C6: variants seen among roughly 807,000 people sequenced by gnomAD.
C6 encodes the protein complement component C6.
Under a neutral mutation model 112.9 loss-of-function variants are expected in C6, and 101 were observed. That is an observed-to-expected ratio of 0.89 (90% CI 0.76 to 1.06). The LOEUF (loss-of-function observed/expected upper bound fraction) is 1.06. C6 is among the 50% of genes least tolerant of loss of function. The probability of loss-of-function intolerance (pLI) is 0.00; values close to 1 mark genes in which losing one functional copy is unlikely to be tolerated. For missense variants in C6, 1,202 were observed against 1,104.6 expected (o/e 1.09, Z -1.25); for synonymous variants, 431 against 384.1 (o/e 1.12, Z -1.43).
chr5:41,214,486 C>T (rs1580211394), upstream of C6, among the ~76,000 whole-genome samples: 1 of 152,052 alleles, frequency 6.6e-6, no homozygotes, highest in Non-Finnish European at 1.5e-5. Flanking sequence ...TACAGATGAT[C>T]TGATTTCCAG....
In C6 at chr5:41,160,323, C is replaced by T; in HGVS notation, c.1503G>A (p.Val501=). ...CTTTCCTGAGGTTGTTCCGTTTTGT[C>T]ACTGCACAGGGGATGTTTCTTACCA... ...VDLVRNIPCA[V]TKRNNLRKAL... is the part of the protein sequence containing the mutation. The change falls in exon 11 of 18, where the codon GTG becomes GTA. Residue 501 remains valine, a synonymous_variant. Transcript: ENST00000337836. 1 of 1,613,784 alleles carries T rather than the reference C, an allele frequency of 6.2e-7. No homozygotes were observed.
chr5:41,154,071 A>C, intron 14 of C6, 73 bp from the exon 15 acceptor site: 1 of 1,310,198 alleles, frequency 7.6e-7, no homozygotes. Context: ...ATTTTGTGCA[A>C]CCAAAGAGGT....
At position 41,255,296 on chromosome 5, in the gene C6, G is replaced by A. The variant is rs143260607; in HGVS notation, c.-21+5898C>T. Among the ~76,000 whole-genome samples the A allele has an allele frequency of 7.0e-3, 1,069 of 151,822 alleles. 7 individuals carry two copies. Among genetic ancestry groups the A allele is most frequent in the Middle Eastern group, 0.014 (4 of 294 alleles). On this transcript the variant is annotated intron_variant, in intron 1 of 17. Transcript: ENST00000263413. The stretch of plus-strand genomic sequence containing the variant: ...GAATTGCTTAAACCTGGGAGGCGGC[G>A]GCCGCAGTGAGCCGAGATCGCCCCA...
At chr5:41,247,402 G>T (rs1741086521) in intron 1 of C6, among the ~76,000 whole-genome samples, 1 of 151,738 alleles carries the variant, frequency 6.6e-6, no homozygotes, top group Non-Finnish European at 1.5e-5. Flanking sequence ...TCAAGCTGAG[G>T]ACCAAATCAA....
At chr5:41,240,732 G>A (rs112985088) in intron 1 of C6, among the ~76,000 whole-genome samples, 1,531 of 152,230 alleles carry the variant, frequency 0.01, 33 homozygotes, top group African/African-American at 0.035. Context: ...GCTTGTGGTT[G>A]GGGCCTCTGG....
At position 41,181,562 on chromosome 5, in the gene C6, G is replaced by A. The variant is rs1260782342; in HGVS notation, c.727-3C>T. 8 of 1,609,932 alleles carry A rather than the reference G, an allele frequency of 5.0e-6. No individual in the cohort carries two copies. Among genetic ancestry groups the A allele is most frequent in the Non-Finnish European group, 6.8e-6 (8 of 1,176,876 alleles). ...AAGTCATCTTCTGCAGTTTGTACCT[G>A]GAGAAAAATCCATGTAAAATAAAAT... On this transcript the variant is annotated splice_polypyrimidine_tract_variant and splice_region_variant and intron_variant, in intron 6 of 17. Transcript: ENST00000337836.
chr5:41,169,846 G>T (rs1344395736), intron 9 of C6, among the ~76,000 whole-genome samples: 1 of 152,170 alleles, frequency 6.6e-6, no homozygotes, highest in African/African-American at 2.4e-5. Context: ...TTCTAAATGA[G>T]ATATGGGAAG....
rs760966966 is a variant in C6 at position 41,153,990 on chromosome 5, A to C, written c.2110T>G (p.Cys704Gly). 3 of 1,613,500 alleles carry C rather than the reference A, an allele frequency of 1.9e-6. No individual in the cohort carries two copies. In the South Asian group the frequency reaches 3.3e-5, roughly 18 times the overall value. Residue 704 changes from cysteine to glycine, a missense_variant, in exon 15 of 18, where the codon TGC becomes GGC. Cys to Gly is a radical substitution (Grantham distance 159). Transcript: ENST00000337836. Reference protein sequence around the residue: ...QGDVECQRTECIKPVVQEVLT... With the variant: ...QGDVECQRTEGIKPVVQEVLT... ...ACTTCCTGCACAACTGGCTTGATGC[A>C]CTCCGTCCCTGCAAGAGAGCAACAT...
intron 7 of C6, among the ~76,000 whole-genome samples, chr5:41,179,030 T>C (rs1035848059): frequency 1.3e-5 from 2 of 152,054 alleles, no homozygotes; most frequent in Non-Finnish European, 2.9e-5. Flanking sequence ...ATTTTTTGTA[T>C]TTTAGTAGAG....
intron 9 of C6, among the ~76,000 whole-genome samples, chr5:41,165,422 T>C (rs1259972153): frequency 6.6e-6 from 1 of 152,204 alleles, no homozygotes; most frequent in South Asian, 2.1e-4. Context: ...GGTTGTGAAG[T>C]TCTACTGCCA....
chr5:41,260,362 C>A (rs1285195394), intron 1 of C6, among the ~76,000 whole-genome samples: 1 of 151,980 alleles, frequency 6.6e-6, no homozygotes, highest in Non-Finnish European at 1.5e-5. Flanking sequence ...GACTTTCAAA[C>A]ACGTTATATC....
At chr5:41,226,856 G>T (rs1470753192) in intron 1 of C6, among the ~76,000 whole-genome samples, 1 of 152,054 alleles carries the variant, frequency 6.6e-6, no homozygotes, top group African/African-American at 2.4e-5. Flanking sequence ...CCATTCATCT[G>T]TCGATGGACA....
At chr5:41,235,150 T>C (rs1740188781) in intron 1 of C6, among the ~76,000 whole-genome samples, 1 of 147,404 alleles carries the variant, frequency 6.8e-6, no homozygotes, top group Non-Finnish European at 1.5e-5. Context: ...TATGCATACA[T>C]GTGCCATGCT....
chr5:41,195,249 A>G (rs1162408731), intron 5 of C6, among the ~76,000 whole-genome samples: 1 of 151,466 alleles, frequency 6.6e-6, no homozygotes, highest in Non-Finnish European at 1.5e-5. Flanking sequence ...TTTTTTCTAT[A>G]TTTGCTTAAC....
At chr5:41,260,906 G>A (rs1181469454) in intron 1 of C6, among the ~76,000 whole-genome samples, 1 of 152,098 alleles carries the variant, frequency 6.6e-6, no homozygotes, top group East Asian at 1.9e-4. Context: ...ACATGAACAA[G>A]TTAGATTTGA....
rs1745479510 is a variant in C6 at position 41,142,920 on chromosome 5, T to C, written c.2710A>G (p.Thr904Ala). 3 of 1,613,504 alleles carry C rather than the reference T, an allele frequency of 1.9e-6. No individual in the cohort carries two copies. The highest frequency in any genetic ancestry group is 1.3e-5 in the African/African-American group (1 of 74,892). The change falls in exon 18 of 18, where the codon ACA (threonine) becomes GCA (alanine). Residue 904 changes from threonine (T) to alanine (A), a missense_variant. Transcript: ENST00000337836. Reference sequence around the variant, plus strand: ...CAGATGTTCAATGTTTTCTCACTTGTTGATGATCCCATTTTGACACAGTAG... The same window carrying C: ...CAGATGTTCAATGTTTTCTCACTTGCTGATGATCCCATTTTGACACAGTAG... ...QLYCVKMGSS[T>A]SEKTLNICEV... is the part of the protein sequence containing the mutation.
At chr5:41,246,994 T>C (rs1277830773) in intron 1 of C6, among the ~76,000 whole-genome samples, 2 of 152,166 alleles carry the variant, frequency 1.3e-5, no homozygotes, top group African/African-American at 2.4e-5. Flanking sequence ...TAAGTATTAA[T>C]AATAAAAATT....
intron 1 of C6, among the ~76,000 whole-genome samples, chr5:41,260,775 C>CAA (rs780937343): frequency 1.5e-5 from 2 of 133,032 alleles, no homozygotes; most frequent in African/African-American, 2.7e-5. Context: ...AACTCCATCT[C>CAA]AAAAAAAAAA....
At chr5:41,172,818 AG>A (rs1447429606) in intron 8 of C6, 27 of 179,320 alleles carry the variant, frequency 1.5e-4, no homozygotes, top group Non-Finnish European at 7.2e-5. Context: ...GTGAGACCTG[AG>A]TCCACTTCAA....
Sources: gnomAD v4.1 joint callset for allele counts (sites outside exome capture counted in the v4.1 genomes callset) on GRCh38, gnomAD v4.1.1 for gene constraint, MANE v1.5 for transcripts, NCBI Gene and HGNC (gene_info 2026-07-23, HGNC 2026-07-21) for gene names.